Variants in RGS6 observed in about 807,000 individuals in gnomAD.
RGS6 encodes the protein regulator of G-protein signaling 6.
Under a neutral mutation model 78.5 loss-of-function variants are expected in RGS6, and 30 were observed. That is an observed-to-expected ratio of 0.38 (90% confidence interval 0.29 to 0.52). The LOEUF is 0.52. Ranked by LOEUF, RGS6 falls within the 20% of genes least tolerant of loss-of-function variation. RGS6 has a pLI of 0.85. For synonymous variants in RGS6, 206 were observed against 206.0 expected (o/e 1.00, Z 0.00); for missense variants, 495 against 609.7 (o/e 0.81, Z 1.98).
At chr14:72,146,925 C>T (rs1294510963) in intron 2 of RGS6, among the ~76,000 whole-genome samples, 1 of 152,168 alleles carries the variant, frequency 6.6e-6, no homozygotes, top group Non-Finnish European at 1.5e-5. Context: ...TAAGTTCTGC[C>T]TTCCATAAAG....
intron 6 of RGS6, among the ~76,000 whole-genome samples, chr14:72,462,596 A>G (rs556794439): frequency 1.3e-5 from 2 of 152,338 alleles, no homozygotes; most frequent in Admixed American, 6.5e-5. Context: ...AGTAGCTGCT[A>G]CGATGGTGAT....
chr14:72,140,183 C>T (rs1016545500), intron 2 of RGS6, among the ~76,000 whole-genome samples: 1 of 152,182 alleles, frequency 6.6e-6, no homozygotes, highest in East Asian at 1.9e-4. Context: ...GCTTCATGGG[C>T]ACCAGCATCC....
At chr14:72,588,689 A>C in the RGS6 span, among the ~76,000 whole-genome samples, 1 of 152,162 alleles carries the variant, frequency 6.6e-6, no homozygotes, top group Non-Finnish European at 1.5e-5. Context: ...CACGCATGTC[A>C]CTGTTATGCT....
chr14:72,607,648 G>A, the RGS6 span, among the ~76,000 whole-genome samples: 1 of 152,216 alleles, frequency 6.6e-6, no homozygotes, highest in African/African-American at 2.4e-5. Flanking sequence ...AGGCCTGAAT[G>A]TGGGTGTCTG....
At chr14:72,507,780 C>T (rs1347361801) in intron 13 of RGS6, among the ~76,000 whole-genome samples, 1 of 152,176 alleles carries the variant, frequency 6.6e-6, no homozygotes, top group East Asian at 1.9e-4. Context: ...GGGCACAGCC[C>T]TCATTCGAGT....
intron 3 of RGS6, among the ~76,000 whole-genome samples, chr14:72,411,176 A>G (rs1191576703): frequency 6.6e-6 from 1 of 152,076 alleles, no homozygotes; most frequent in Non-Finnish European, 1.5e-5. Context: ...GGCCATTTTC[A>G]CGATATTGAT....
chr14:72,509,714 A>G (rs2096855746), intron 13 of RGS6, among the ~76,000 whole-genome samples: 1 of 152,200 alleles, frequency 6.6e-6, no homozygotes, highest in Non-Finnish European at 1.5e-5. Context: ...TTGGCTTGAA[A>G]CAGGACCATA....
chr14:72,468,569 C>A (rs2095987935), intron 7 of RGS6, among the ~76,000 whole-genome samples: 1 of 152,036 alleles, frequency 6.6e-6, no homozygotes, highest in Non-Finnish European at 1.5e-5. Context: ...CTGTGACTCC[C>A]CCTCACCTAA....
At chr14:72,032,481 A>G (rs1474382104) in intron 2 of RGS6, among the ~76,000 whole-genome samples, 1 of 152,228 alleles carries the variant, frequency 6.6e-6, no homozygotes, top group African/African-American at 2.4e-5. Flanking sequence ...ACATAACAAA[A>G]GTTACCATAG....
intron 1 of RGS6, among the ~76,000 whole-genome samples, chr14:71,937,637 C>G (rs2089707867): frequency 6.6e-6 from 1 of 152,192 alleles, no homozygotes; most frequent in Non-Finnish European, 1.5e-5. Context: ...AACCCACTGC[C>G]ACACTTCTTT....
At chr14:71,907,643 T>A in the RGS6 span, among the ~76,000 whole-genome samples, 1 of 145,156 alleles carries the variant, frequency 6.9e-6, no homozygotes, top group Non-Finnish European at 1.5e-5. Context: ...CAGATTTATG[T>A]GGGGAGATTG....
At chr14:71,961,207 G>T (rs74060423) in intron 1 of RGS6, among the ~76,000 whole-genome samples, 1 of 152,144 alleles carries the variant, frequency 6.6e-6, no homozygotes, top group Non-Finnish European at 1.5e-5. Flanking sequence ...AGAGGAGATG[G>T]GCTGGGATAT....
chr14:72,623,723 T>A, the RGS6 span, among the ~76,000 whole-genome samples: 12 of 152,328 alleles, frequency 7.9e-5, no homozygotes, highest in East Asian at 2.3e-3. Flanking sequence ...GTGTAGTGTA[T>A]CTTTAAAACA....
At chr14:71,961,874 T>A (rs1386717561) in intron 1 of RGS6, among the ~76,000 whole-genome samples, 1 of 152,174 alleles carries the variant, frequency 6.6e-6, no homozygotes, top group Non-Finnish European at 1.5e-5. Flanking sequence ...TTTAAACCCA[T>A]TTCTATTGTA....
At chr14:72,076,791 C>A (rs1011649878) in intron 2 of RGS6, among the ~76,000 whole-genome samples, 3 of 152,138 alleles carry the variant, frequency 2.0e-5, no homozygotes, top group Middle Eastern at 3.4e-3. Context: ...CTCAGCCTCC[C>A]AAAGTATTGG....
In RGS6 at chr14:72,566,402, A is replaced by C. The variant is rs1024230064; in HGVS notation, c.*3935A>C. The C allele has an allele frequency of 6.6e-6, 1 of 152,156 alleles. No homozygotes were observed. Among genetic ancestry groups the C allele is most frequent in the Non-Finnish European group, 1.5e-5 (1 of 68,044 alleles). The allele number at this position is 152,156 out of a possible 1,614,324, so 9.4% of individuals were successfully genotyped here. ...CCACTCACCGCATGATCACGGACTCATCGGAATGGCCTCCTCTTAGTGCAT... is the reference window on the plus strand; with the variant it reads ...CCACTCACCGCATGATCACGGACTCCTCGGAATGGCCTCCTCTTAGTGCAT... On this transcript the variant is annotated 3_prime_UTR_variant, in exon 18 of 18. Transcript: ENST00000553525.
At chr14:72,285,247 A>G (rs965563459) in intron 2 of RGS6, among the ~76,000 whole-genome samples, 4 of 152,092 alleles carry the variant, frequency 2.6e-5, no homozygotes, top group African/African-American at 7.2e-5. Context: ...GCAGAATGAT[A>G]TGGTTTGGCT....
chr14:72,190,447 T>C (rs2097308411), intron 2 of RGS6, among the ~76,000 whole-genome samples: 1 of 152,242 alleles, frequency 6.6e-6, no homozygotes, highest in South Asian at 2.1e-4. Context: ...GCTGGTATCA[T>C]GTCTACTCCA....
chr14:72,409,179 A>G (rs1048481357), intron 3 of RGS6, among the ~76,000 whole-genome samples: 1 of 152,222 alleles, frequency 6.6e-6, no homozygotes, highest in African/African-American at 2.4e-5. Context: ...TGCCACTGTT[A>G]AAAGAAAAAC....
Sources: gnomAD v4.1 joint callset for allele counts (sites outside exome capture counted in the v4.1 genomes callset) on GRCh38, gnomAD v4.1.1 for gene constraint, MANE v1.5 for transcripts, NCBI Gene and HGNC (gene_info 2026-07-23, HGNC 2026-07-21) for gene names.